The following TLE4 variants were observed in gnomAD, a reference collection of about 807,000 sequenced individuals.
TLE4 encodes transducin-like enhancer protein 4.
In TLE4, 8 loss-of-function variants were observed where a neutral mutation model predicts 92.8. The ratio of observed to expected loss-of-function variants is 0.09; its 90% CI spans 0.05 to 0.16. TLE4 has a LOEUF of 0.16. Among genes scored for constraint, TLE4 ranks in the 10% least tolerant of loss-of-function variants. The pLI is 1.00. For synonymous variants in TLE4, 371 were observed against 374.1 expected (o/e 0.99, Z 0.10); for missense variants, 675 against 997.6 (o/e 0.68, Z 4.36).
intron 6 of TLE4, chr9:79,649,967 A>T: frequency 9.9e-7 from 1 of 1,012,666 alleles, no homozygotes. Flanking sequence ...ACAGGCTGGG[A>T]TGCAGTAGCA....
chr9:79,590,928 T>C (rs1564192206), intron 4 of TLE4, among the ~76,000 whole-genome samples: 3 of 152,230 alleles, frequency 2.0e-5, no homozygotes, highest in African/African-American at 4.8e-5. Context: ...AAAAAGTAAC[T>C]TAATCTTCAT....
At chr9:79,623,100 C>T (rs1411251632) in intron 5 of TLE4, among the ~76,000 whole-genome samples, 21 of 152,066 alleles carry the variant, frequency 1.4e-4, no homozygotes, top group Admixed American at 1.4e-3. Flanking sequence ...AGAGAATATA[C>T]TGAACCTACA....
chr9:79,690,865 GA>G, intron 8 of TLE4, among the ~76,000 whole-genome samples: 1 of 143,002 alleles, frequency 7.0e-6, no homozygotes, highest in African/African-American at 2.6e-5. Context: ...CGAACTCTTG[GA>G]CTCAAGCAGT....
chr9:79,689,599 C>T (rs1169829717), intron 8 of TLE4, among the ~76,000 whole-genome samples: 2 of 152,160 alleles, frequency 1.3e-5, no homozygotes, highest in Non-Finnish European at 2.9e-5. Context: ...CATCTTGCCT[C>T]ATCTTATGAC....
chr9:79,609,778 G>C (rs553201605), intron 4 of TLE4, among the ~76,000 whole-genome samples: 17 of 152,074 alleles, frequency 1.1e-4, no homozygotes, highest in South Asian at 8.3e-4. Flanking sequence ...CAGAATCCCT[G>C]CCTGTTTAAA....
At chr9:79,610,040 CT>C (rs894327111) in intron 4 of TLE4, among the ~76,000 whole-genome samples, 50 of 152,132 alleles carry the variant, frequency 3.3e-4, no homozygotes, top group Admixed American at 2.6e-3. Context: ...CCTAGGTTGC[CT>C]TTTTTTCCTT....
chr9:79,664,129 C>T (rs1219964089), intron 8 of TLE4, among the ~76,000 whole-genome samples: 1 of 152,194 alleles, frequency 6.6e-6, no homozygotes, highest in Non-Finnish European at 1.5e-5. Flanking sequence ...TAATCTGGAG[C>T]AGTCCCCAGG....
In TLE4 at chr9:79,572,625, G is replaced by C. The variant is rs1344441528; in HGVS notation, c.-166G>C. Reference sequence around the variant, plus strand: ...AGCCGGCACCCAGCCGCCGCCGCGCGTTCCTGCCGCCCGTGTCACGCGAGA... The same window carrying C: ...AGCCGGCACCCAGCCGCCGCCGCGCCTTCCTGCCGCCCGTGTCACGCGAGA... On this transcript the variant is annotated 5_prime_UTR_variant, in exon 1 of 20. Transcript: ENST00000376552. 1 of 353,280 alleles carries C rather than the reference G, an allele frequency of 2.8e-6. No individual in the cohort carries two copies. Among genetic ancestry groups the C allele is most frequent in the Non-Finnish European group, 4.9e-6 (1 of 202,974 alleles). The allele number at this position is 353,280 out of a possible 1,614,324, so 21.9% of individuals were successfully genotyped here.
intron 6 of TLE4, among the ~76,000 whole-genome samples, chr9:79,641,074 A>G (rs1362657319): frequency 1.3e-5 from 2 of 151,522 alleles, no homozygotes; most frequent in Non-Finnish European, 2.9e-5. Flanking sequence ...ACATGTCACC[A>G]TATGCAGAAG....
Position 79,590,601 on chromosome 9 carries a change from T to C in TLE4, c.252+14424T>C, listed in dbSNP as rs539003314. Among the ~76,000 whole-genome samples the C allele has an allele frequency of 1.3e-4, 20 of 152,302 alleles. No individual in the cohort carries two copies. The South Asian group carries it at 4.1e-3, about 32-fold the overall frequency. On this transcript the variant is annotated intron_variant, in intron 4 of 19. Coordinates refer to ENST00000376552, the MANE Select transcript of TLE4 (RefSeq NM_007005.6). ...GGAGGCTCATAGTAAAGACCTGCTTTAGTTGTAAGCAGAGCTGATAGGAGG... is the reference window on the plus strand; with the variant it reads ...GGAGGCTCATAGTAAAGACCTGCTTCAGTTGTAAGCAGAGCTGATAGGAGG...
intron 7 of TLE4, among the ~76,000 whole-genome samples, chr9:79,653,708 T>C (rs1400823135): frequency 3.3e-5 from 5 of 152,216 alleles, no homozygotes; most frequent in Non-Finnish European, 5.9e-5. Context: ...TGCATAAATA[T>C]CCATCTCTGA....
intron 5 of TLE4, among the ~76,000 whole-genome samples, chr9:79,625,980 G>A (rs1355568041): frequency 6.6e-6 from 1 of 151,654 alleles, no homozygotes; most frequent in Non-Finnish European, 1.5e-5. Flanking sequence ...ACATTAAAAA[G>A]TATATAGTTT....
Position 79,643,668 on chromosome 9 carries a change from A to G in TLE4, c.391-8925A>G, listed in dbSNP as rs559404403. Among the ~76,000 whole-genome samples, 26 of 152,276 alleles carry G rather than the reference A, an allele frequency of 1.7e-4. 1 individual carries two copies. Among genetic ancestry groups the G allele is most frequent in the Admixed American group, 1.6e-3 (25 of 15,298 alleles). Reference sequence around the variant, plus strand: ...TTTCGGTTAAGTGTTTTTAGTAGGAATACTAACTAGGTGATGTGTATTTCC... The same window carrying G: ...TTTCGGTTAAGTGTTTTTAGTAGGAGTACTAACTAGGTGATGTGTATTTCC... On this transcript the variant is annotated intron_variant, in intron 6 of 19. Coordinates refer to ENST00000376552, the MANE Select transcript of TLE4 (RefSeq NM_007005.6).
intron 5 of TLE4, among the ~76,000 whole-genome samples, chr9:79,624,080 G>A (rs1587435533): frequency 6.6e-6 from 1 of 151,294 alleles, no homozygotes; most frequent in African/African-American, 2.4e-5. Flanking sequence ...TGGAAGACAA[G>A]GCAGACATAA....
chr9:79,640,841 T>TA (rs1419170137), intron 6 of TLE4, among the ~76,000 whole-genome samples: 3 of 152,184 alleles, frequency 2.0e-5, no homozygotes, highest in Non-Finnish European at 4.4e-5. Flanking sequence ...TTAAAATACT[T>TA]ACTAGTCTTT....
intron 4 of TLE4, among the ~76,000 whole-genome samples, chr9:79,587,321 T>C (rs1380666415): frequency 2.6e-5 from 4 of 152,218 alleles, no homozygotes; most frequent in East Asian, 1.9e-4. Flanking sequence ...AAGGCCTAGA[T>C]AGGCAATCAG....
At chr9:79,637,642 G>A (rs138114420) in intron 6 of TLE4, among the ~76,000 whole-genome samples, 111 of 152,290 alleles carry the variant, frequency 7.3e-4, no homozygotes, top group African/African-American at 2.6e-3. Flanking sequence ...AGTTCCACAG[G>A]TCAGTTGGAT....
At chr9:79,666,476 C>T (rs139758201) in intron 8 of TLE4, among the ~76,000 whole-genome samples, 4 of 152,146 alleles carry the variant, frequency 2.6e-5, no homozygotes, top group East Asian at 1.9e-4. Flanking sequence ...TGACCTCAGG[C>T]GATCCACCCA....
At chr9:79,585,235 A>G (rs769185499) in intron 4 of TLE4, among the ~76,000 whole-genome samples, 10 of 152,208 alleles carry the variant, frequency 6.6e-5, no homozygotes, top group African/African-American at 1.7e-4. Flanking sequence ...TCTTACAACA[A>G]TCTTATGAGA....
Sources: allele counts gnomAD v4.1 joint callset (sites outside exome capture counted in the v4.1 genomes callset), GRCh38; gene constraint gnomAD v4.1.1; transcripts MANE v1.5; gene names NCBI Gene and HGNC (gene_info 2026-07-23, HGNC 2026-07-21).